The following SEPTIN6 variants were observed in gnomAD, a reference collection of about 807,000 sequenced individuals.
SEPTIN6 encodes the protein septin 6.
A neutral mutation model predicts 33.6 loss-of-function variants in SEPTIN6; 8 were observed. The ratio of observed to expected loss-of-function variants is 0.24; its 90% CI spans 0.14 to 0.43. The LOEUF (loss-of-function observed/expected upper bound fraction) is 0.43. SEPTIN6 is among the 20% of genes least tolerant of loss of function. The pLI is 1.00. For missense variants in SEPTIN6, 250 were observed against 340.8 expected (o/e 0.73, Z 2.10); for synonymous variants, 131 against 140.0 (o/e 0.94, Z 0.45).
chrX:119,616,881 G>A (rs143950801), downstream of SEPTIN6: 1,355 of 1,089,701 alleles, frequency 1.2e-3, 10 homozygotes, highest in African/African-American at 0.022. Flanking sequence ...AGAAATGGGG[G>A]TCATTGCTGG....
chrX:119,685,306 C>T (rs1375107893), intron 1 of SEPTIN6, among the ~76,000 whole-genome samples: 2 of 110,570 alleles, frequency 1.8e-5, no homozygotes, highest in African/African-American at 3.3e-5. Flanking sequence ...TTCCACTTAC[C>T]GAGAGCCTGC....
At chrX:119,660,697 C>T (rs756059802) in intron 3 of SEPTIN6, among the ~76,000 whole-genome samples, 16 of 110,250 alleles carry the variant, frequency 1.5e-4, no homozygotes, top group African/African-American at 4.3e-4. Flanking sequence ...TTAATTTATT[C>T]TCAACCAAAC....
chrX:119,619,754 T>C lies in SEPTIN6; in HGVS notation c.*339A>G. 1 of 987,765 alleles carries C rather than the reference T, an allele frequency of 1.0e-6. No individual in the cohort carries two copies. The highest frequency in any genetic ancestry group is 1.3e-6 in the Non-Finnish European group (1 of 783,843). The allele number at this position is 987,765 out of a possible 1,213,427, so 81.4% of individuals were successfully genotyped here. A position where few individuals can be genotyped will look rare whatever the true frequency, so the allele number is the denominator to read the frequency against. ...GGAGCTGGTGGGAAAGAGTAGCAGA[T>C]GGGCCCCCTGACCATGTCACACCTC... On this transcript the variant is annotated 3_prime_UTR_variant, in exon 11 of 11. Coordinates refer to ENST00000394610, the MANE Select transcript of SEPTIN6 (RefSeq NM_145799.4).
chrX:119,627,274 G>A (rs1260394225), intron 9 of SEPTIN6, among the ~76,000 whole-genome samples: 1 of 110,795 alleles, frequency 9.0e-6, no homozygotes, highest in Non-Finnish European at 1.9e-5. Flanking sequence ...AAGCCACACT[G>A]CACAAACAAC....
At chrX:119,648,233 G>C (rs2054299231) in intron 5 of SEPTIN6, among the ~76,000 whole-genome samples, 1 of 110,300 alleles carries the variant, frequency 9.1e-6, no homozygotes, top group African/African-American at 3.3e-5. Flanking sequence ...ATGTGGTTCT[G>C]TGTGACACCT....
chrX:119,651,191 C>T (rs1350444275), intron 4 of SEPTIN6, among the ~76,000 whole-genome samples: 1 of 111,650 alleles, frequency 9.0e-6, no homozygotes, highest in African/African-American at 3.3e-5. Context: ...GCTTCCTCTG[C>T]GCTTTGGCTT....
At chrX:119,638,417 T>A (rs1339530475) in intron 6 of SEPTIN6, among the ~76,000 whole-genome samples, 2 of 111,791 alleles carry the variant, frequency 1.8e-5, no homozygotes, top group African/African-American at 6.5e-5. Flanking sequence ...TCAAGGTGGC[T>A]ACAGGTATGG....
In SEPTIN6 at chrX:119,619,240, G is replaced by A; in HGVS notation, c.*853C>T. The stretch of plus-strand genomic sequence containing the variant: ...CCTCACCTTATTGGGACAGTATGGA[G>A]CCCTTCCGGAAATTACCCCCCGAGA... On this transcript the variant is annotated 3_prime_UTR_variant, in exon 11 of 11. Coordinates refer to ENST00000394610, the MANE Select transcript of SEPTIN6 (RefSeq NM_145799.4). 1.2e-6 allele frequency: 1 copy of A among 818,191 alleles called. No individual in the cohort carries two copies. Among genetic ancestry groups the A allele is most frequent in the Non-Finnish European group, 1.5e-6 (1 of 679,572 alleles). The allele number at this position is 818,191 out of a possible 1,213,427, so 67.4% of individuals were successfully genotyped here. A position where few individuals can be genotyped will look rare whatever the true frequency, so the allele number is the denominator to read the frequency against.
chrX:119,674,720 T>C, intron 2 of SEPTIN6, among the ~76,000 whole-genome samples: 1 of 112,113 alleles, frequency 8.9e-6, no homozygotes, highest in Non-Finnish European at 1.9e-5. Flanking sequence ...AGGATACAAA[T>C]GCTACTTGCT....
In SEPTIN6 at chrX:119,618,998, C is replaced by G; in HGVS notation, c.*1095G>C. 1.0e-6 allele frequency: 1 copy of G among 977,067 alleles called. No homozygotes were observed. Among genetic ancestry groups the G allele is most frequent in the Non-Finnish European group, 1.3e-6 (1 of 775,568 alleles). 80.5% of individuals were successfully genotyped at this position (977,067 alleles called of 1,213,427 possible). A position where few individuals can be genotyped will look rare whatever the true frequency, so the allele number is the denominator to read the frequency against. On this transcript the variant is annotated 3_prime_UTR_variant, in exon 11 of 11. Transcript: ENST00000394610. Reference sequence around the variant, plus strand: ...GGCTGGAATATTTTTAAACTCTCAACTCCTTAAATTGGAAAGAAAGTTAAG... The same window carrying G: ...GGCTGGAATATTTTTAAACTCTCAAGTCCTTAAATTGGAAAGAAAGTTAAG...
intron 5 of SEPTIN6, among the ~76,000 whole-genome samples, chrX:119,649,349 C>A (rs2147528918): frequency 9.4e-6 from 1 of 106,917 alleles, no homozygotes; most frequent in East Asian, 2.9e-4. Flanking sequence ...CCGCCTCGGC[C>A]TCCAAAAGTG....
At chrX:119,627,302 C>T (rs2053870649) in intron 9 of SEPTIN6, among the ~76,000 whole-genome samples, 1 of 110,763 alleles carries the variant, frequency 9.0e-6, no homozygotes, top group African/African-American at 3.3e-5. Flanking sequence ...CACAAGGGCA[C>T]CACAGGAGTT....
chrX:119,645,234 AC>A (rs1300043698), intron 5 of SEPTIN6, among the ~76,000 whole-genome samples: 288 of 69,277 alleles, frequency 4.2e-3, no homozygotes, highest in African/African-American at 0.016. Flanking sequence ...TAAAGGCCCT[AC>A]CTTTTTTTTT....
At chrX:119,647,337 C>A (rs1015027205) in intron 5 of SEPTIN6, among the ~76,000 whole-genome samples, 2 of 106,936 alleles carry the variant, frequency 1.9e-5, no homozygotes. Context: ...CTCCTCTCCT[C>A]CCCTCCCCTC....
chrX:119,641,035 AAG>A (rs2054152662), intron 5 of SEPTIN6, among the ~76,000 whole-genome samples: 3 of 112,576 alleles, frequency 2.7e-5, no homozygotes, highest in African/African-American at 9.7e-5. Flanking sequence ...ATAGGGAACA[AAG>A]AGAGAAAATA....
intron 5 of SEPTIN6, among the ~76,000 whole-genome samples, chrX:119,648,541 G>A (rs908453589): frequency 9.0e-6 from 1 of 111,389 alleles, no homozygotes; most frequent in Non-Finnish European, 1.9e-5. Flanking sequence ...CCATGCCCAC[G>A]GCCGGTCAGA....
At chrX:119,625,104 CAA>C (rs1006144291) in intron 10 of SEPTIN6, among the ~76,000 whole-genome samples, 1 of 111,580 alleles carries the variant, frequency 9.0e-6, no homozygotes, top group African/African-American at 3.3e-5. Flanking sequence ...GTTCTAGCAG[CAA>C]AAGTCTGAAA....
intron 1 of SEPTIN6, among the ~76,000 whole-genome samples, chrX:119,683,342 C>G (rs1196548494): frequency 8.9e-6 from 1 of 112,250 alleles, no homozygotes; most frequent in African/African-American, 3.2e-5. Flanking sequence ...ACTGGTGGGC[C>G]CAAGCTCTCA....
In SEPTIN6 at chrX:119,617,808, C is replaced by T. The variant is rs2053689382; in HGVS notation, c.*2285G>A. 1 of 797,111 alleles carries T rather than the reference C, an allele frequency of 1.3e-6. No individual in the cohort carries two copies. Among genetic ancestry groups the T allele is most frequent in the South Asian group, 6.7e-5 (1 of 15,034 alleles). 65.7% of individuals were successfully genotyped at this position (797,111 alleles called of 1,213,427 possible). A position where few individuals can be genotyped will look rare whatever the true frequency, so the allele number is the denominator to read the frequency against. ...CCCTTACGGAGTAAGTAGGTTATAT[C>T]GTCTTACTGACTAAAATGTCTCCCT... On this transcript the variant is annotated 3_prime_UTR_variant, in exon 11 of 11. Transcript: ENST00000394610.
Sources: allele counts gnomAD v4.1 joint callset (sites outside exome capture counted in the v4.1 genomes callset), GRCh38; gene constraint gnomAD v4.1.1; transcripts MANE v1.5; gene names NCBI Gene and HGNC (gene_info 2026-07-23, HGNC 2026-07-21).